Variants in TULP4 observed in about 807,000 individuals in gnomAD.
The protein encoded by TULP4 is tubby-related protein 4.
In TULP4, 16 loss-of-function variants were observed where a neutral mutation model predicts 129.0. That is an observed-to-expected ratio of 0.12 (90% CI 0.08 to 0.19). The LOEUF (loss-of-function observed/expected upper bound fraction) is 0.19. Among genes scored for constraint, TULP4 ranks in the 10% least tolerant of loss-of-function variants. TULP4 has a pLI of 1.00. For missense variants in TULP4, 1,842 were observed against 2,059.1 expected, an observed-to-expected ratio of 0.89 and a Z score of 2.04; for synonymous variants, 998 against 854.0, an observed-to-expected ratio of 1.17 and a Z score of -2.94.
chr6:158,498,893 G>T, intron 12 of TULP4, 81 bp downstream of exon 12: 1 of 1,542,370 alleles, frequency 6.5e-7, no homozygotes, highest in South Asian at 1.2e-5. Flanking sequence ...GCAAGTTGTT[G>T]AGGATTTCAG....
intron 1 of TULP4, among the ~76,000 whole-genome samples, chr6:158,362,753 T>G (rs1176939565): frequency 6.6e-6 from 1 of 152,232 alleles, no homozygotes; most frequent in African/African-American, 2.4e-5. Context: ...GAGTGTTGTT[T>G]AGTGAATCTG....
chr6:158,440,428 G>A (rs929158557), intron 3 of TULP4, among the ~76,000 whole-genome samples: 8 of 152,182 alleles, frequency 5.3e-5, no homozygotes, highest in Admixed American at 6.5e-5. Context: ...CTGTAAGTAG[G>A]TTAAAGGGCT....
chr6:158,411,908 T>C (rs1362628975), intron 1 of TULP4, among the ~76,000 whole-genome samples: 1 of 152,230 alleles, frequency 6.6e-6, no homozygotes, highest in African/African-American at 2.4e-5. Context: ...AGATATAAAT[T>C]AGAATTTGGA....
Position 158,493,779 on chromosome 6 carries a change from C to G in TULP4, c.1776+62C>G. On this transcript the variant is annotated intron_variant, in intron 10 of 13. Coordinates refer to ENST00000367097, the MANE Select transcript of TULP4 (RefSeq NM_020245.5). The surrounding 1 kb of genome is among the most constrained non-coding windows in gnomAD (Gnocchi z 4.4). ...TCCTGGGGGCTATGCCCAGAGGGCC[C>G]CTTCCTACCCGCCGCCTGCACTGCT... 6.8e-7 allele frequency: 1 copy of G among 1,468,120 alleles called. No individual in the cohort carries two copies. Among genetic ancestry groups the G allele is most frequent in the Non-Finnish European group, 9.0e-7 (1 of 1,107,036 alleles). The allele number at this position is 1,468,120 out of a possible 1,614,324, so 90.9% of individuals were successfully genotyped here. A position where few individuals can be genotyped will look rare whatever the true frequency, so the allele number is the denominator to read the frequency against.
intron 2 of TULP4, among the ~76,000 whole-genome samples, chr6:158,425,749 AC>A: frequency 6.6e-6 from 1 of 152,014 alleles, no homozygotes; most frequent in Middle Eastern, 3.4e-3. Flanking sequence ...GATTACAGGC[AC>A]CTGACACAAC....
intron 1 of TULP4, among the ~76,000 whole-genome samples, chr6:158,384,999 G>T (rs1023449725): frequency 6.6e-6 from 1 of 152,156 alleles, no homozygotes; most frequent in Admixed American, 6.5e-5. Context: ...CCAAAGTCGG[G>T]CTTTTAATTA....
intron 8 of TULP4, among the ~76,000 whole-genome samples, chr6:158,488,803 G>A (rs1158902242): frequency 6.6e-6 from 1 of 151,440 alleles, no homozygotes; most frequent in African/African-American, 2.4e-5. Flanking sequence ...GTGGAGGGGG[G>A]TGTGTGGGGG....
At chr6:158,363,275 A>T (rs1455063191) in intron 1 of TULP4, among the ~76,000 whole-genome samples, 1 of 152,116 alleles carries the variant, frequency 6.6e-6, no homozygotes, top group Non-Finnish European at 1.5e-5. Context: ...CCAGATGTGG[A>T]GGTTGAGATG....
intron 6 of TULP4, among the ~76,000 whole-genome samples, chr6:158,478,418 A>G (rs1779868618): frequency 6.6e-6 from 1 of 152,214 alleles, no homozygotes; most frequent in Non-Finnish European, 1.5e-5. Flanking sequence ...ACGATACCAG[A>G]GTAATTTTTC....
intron 6 of TULP4, among the ~76,000 whole-genome samples, chr6:158,474,292 G>C (rs1042448230): frequency 6.6e-6 from 1 of 152,212 alleles, no homozygotes; most frequent in Non-Finnish European, 1.5e-5. Context: ...ACTGTCCCAG[G>C]AATCTGCCTC....
At chr6:158,346,168 CAT>C (rs555795158) in intron 1 of TULP4, among the ~76,000 whole-genome samples, 412 of 152,296 alleles carry the variant, frequency 2.7e-3, no homozygotes, top group African/African-American at 9.5e-3. Flanking sequence ...TGTTCAAACA[CAT>C]ATGTTTTACA....
intron 3 of TULP4, among the ~76,000 whole-genome samples, chr6:158,440,186 G>A (rs562079588): frequency 1.3e-5 from 2 of 151,784 alleles, no homozygotes; most frequent in Admixed American, 1.3e-4. Context: ...CGGGTGTGGG[G>A]GCACACATAT....
intron 1 of TULP4, among the ~76,000 whole-genome samples, chr6:158,317,771 C>T (rs2128485170): frequency 6.6e-6 from 1 of 152,296 alleles, no homozygotes; most frequent in South Asian, 2.1e-4. Flanking sequence ...TACACTCCCA[C>T]CAACAGTGTA....
chr6:158,329,674 C>A (rs1171292010), intron 1 of TULP4, among the ~76,000 whole-genome samples: 1 of 151,984 alleles, frequency 6.6e-6, no homozygotes, highest in East Asian at 1.9e-4. Flanking sequence ...ATGTTTTTCA[C>A]AATTTTAGAT....
chr6:158,256,344 G>A (rs573391429), intron 1 of TULP4, among the ~76,000 whole-genome samples: 4 of 152,188 alleles, frequency 2.6e-5, no homozygotes, highest in South Asian at 4.2e-4. Flanking sequence ...GTGTGTATAC[G>A]TGGTATGTAT....
At chr6:158,333,618 T>C (rs1031086809) in intron 1 of TULP4, among the ~76,000 whole-genome samples, 38 of 79,130 alleles carry the variant, frequency 4.8e-4, no homozygotes, top group Non-Finnish European at 9.1e-4. Flanking sequence ...TGTGTGAGTC[T>C]ACTTATTCTC....
At chr6:158,440,287 C>T (rs370060554) in intron 3 of TULP4, among the ~76,000 whole-genome samples, 2 of 135,028 alleles carry the variant, frequency 1.5e-5, no homozygotes, top group Non-Finnish European at 3.0e-5. Context: ...CACTGCACTC[C>T]AGCCTGGATG....
chr6:158,482,021 T>C (rs994802294), intron 8 of TULP4, among the ~76,000 whole-genome samples: 10 of 152,202 alleles, frequency 6.6e-5, no homozygotes, highest in African/African-American at 2.4e-4. Context: ...CCATCACCTA[T>C]GGCAGAACGA....
At chr6:158,245,532 T>C (rs1778012400) in intron 1 of TULP4, among the ~76,000 whole-genome samples, 2 of 152,154 alleles carry the variant, frequency 1.3e-5, no homozygotes. Flanking sequence ...AGATAGCTGC[T>C]GTTAGATATC....
Sources: allele counts gnomAD v4.1 joint callset (sites outside exome capture counted in the v4.1 genomes callset), GRCh38; gene constraint gnomAD v4.1.1; non-coding constraint Gnocchi (gnomAD v3.1); transcripts MANE v1.5; gene names NCBI Gene and HGNC (gene_info 2026-07-23, HGNC 2026-07-21).